AKAP9: variants seen among roughly 807,000 people sequenced by gnomAD.
AKAP9 encodes A-kinase anchoring protein 9.
In AKAP9, 311 loss-of-function variants were observed where a neutral mutation model predicts 488.5. The ratio of observed to expected loss-of-function variants is 0.64; its 90% CI spans 0.58 to 0.70. The LOEUF (loss-of-function observed/expected upper bound fraction) is 0.70. Ranked by LOEUF, AKAP9 falls within the 30% of genes least tolerant of loss-of-function variation. The pLI is 0.00. For synonymous variants in AKAP9, 1,462 were observed against 1,483.5 expected (o/e 0.99, Z 0.33); for missense variants, 4,215 against 4,374.5 (o/e 0.96, Z 1.03).
rs934592231 is a variant in AKAP9, at chr7:91,959,497, G to A, written c.49-14214G>A. 1.1e-4 allele frequency among the ~76,000 whole-genome samples: 17 copies of A among 152,054 alleles called. 1 individual carries two copies. Among genetic ancestry groups the A allele is most frequent in the African/African-American group, 3.6e-4 (15 of 41,486 alleles). On this transcript the variant is annotated intron_variant, in intron 1 of 49. Coordinates refer to ENST00000356239, the MANE Select transcript of AKAP9 (RefSeq NM_005751.5). Reference sequence around the variant, plus strand: ...AAAAAATTTACTTTTTTAAGAGATGGATCTTGTTATGCTGTTCTGGCTGGC... The same window carrying A: ...AAAAAATTTACTTTTTTAAGAGATGAATCTTGTTATGCTGTTCTGGCTGGC...
rs534389409 is a variant in AKAP9 at position 92,076,145 on chromosome 7, T to C, written c.6613-710T>C. Among the ~76,000 whole-genome samples the C allele has an allele frequency of 9.2e-5, 14 of 152,330 alleles. No homozygotes were observed. In the East Asian group the frequency reaches 2.3e-3, roughly 25 times the overall value. Reference sequence around the variant, plus strand: ...CTCAGTCAAAACCAATTTTCAAATATAAAAATAATTCTTAATATTCATCAT... The same window carrying C: ...CTCAGTCAAAACCAATTTTCAAATACAAAAATAATTCTTAATATTCATCAT... On this transcript the variant is annotated intron_variant, in intron 28 of 49. Transcript: ENST00000356239.
At chr7:92,075,090 T>TA (rs113217081) in intron 28 of AKAP9, among the ~76,000 whole-genome samples, 15,124 of 150,818 alleles carry the variant, frequency 0.1, 968 homozygotes, top group Middle Eastern at 0.23. Flanking sequence ...AGTCAAAAAT[T>TA]AAAAAAAAAA....
At chr7:91,974,319 G>A (rs76146797) in intron 2 of AKAP9, among the ~76,000 whole-genome samples, 18,363 of 135,346 alleles carry the variant, frequency 0.14, 1,261 homozygotes, top group East Asian at 0.38. Context: ...ATGAGAGATA[G>A]ATGTCCAACT....
At position 92,079,838 on chromosome 7, in the gene AKAP9, A is replaced by G. The variant is rs1317191455; in HGVS notation, c.7705A>G (p.Lys2569Glu). The G allele has an allele frequency of 6.2e-7, 1 of 1,614,128 alleles. No individual in the cohort carries two copies. Among genetic ancestry groups the G allele is most frequent in the East Asian group, 2.2e-5 (1 of 44,858 alleles). ...IQLEAVQEYA[K>E]FCQDNQTISS... ...ACTTGAGGCAGTTCAGGAATATGCA[A>G]AATTCTGTCAAGATAATCAAACAAT... is the stretch of plus-strand genomic sequence containing the variant. The change falls in exon 31 of 50, where the codon AAA (lysine) becomes GAA (glutamate). Residue 2569 changes from lysine (K) to glutamate (E), a missense_variant. Lys to Glu is a moderately conservative substitution (Grantham distance 56). Around this residue, in one of 5 missense-constraint regions of AKAP9, gnomAD observed 1,476 missense variants for 1,477.4 expected, o/e 1.00. Coordinates refer to ENST00000356239, the MANE Select transcript of AKAP9 (RefSeq NM_005751.5).
rs776229494 is a variant in AKAP9 at position 92,070,958 on chromosome 7, A to G, written c.6561A>G (p.Leu2187=). The change falls in exon 28 of 50, where the codon CTA becomes CTG. Residue 2187 remains leucine (L), a synonymous_variant. Coordinates refer to ENST00000356239, the MANE Select transcript of AKAP9 (RefSeq NM_005751.5). ...GAVEAKPELS[L]EVQLQAERDA... is the part of the protein sequence containing the mutation. ...TAGAAGCTAAACCAGAATTGTCCCT[A>G]GAAGTACAATTGCAGGCTGAACGAG... 2 of 1,614,120 alleles carry G rather than the reference A, an allele frequency of 1.2e-6. No individual in the cohort carries two copies. The highest frequency in any genetic ancestry group is 1.7e-6 in the Non-Finnish European group (2 of 1,179,978).
chr7:91,982,098 T>C (rs2130596119), intron 3 of AKAP9, among the ~76,000 whole-genome samples: 1 of 152,280 alleles, frequency 6.6e-6, no homozygotes, highest in East Asian at 1.9e-4. Context: ...TGTATAGCTG[T>C]TTTCTCACAT....
chr7:91,995,450 G>T (rs1798278786), intron 6 of AKAP9, among the ~76,000 whole-genome samples, 153 bp from the exon 7 acceptor site: 1 of 152,128 alleles, frequency 6.6e-6, no homozygotes, highest in Non-Finnish European at 1.5e-5. Context: ...CTCGGCTTGG[G>T]TATACCTATC....
intron 2 of AKAP9, among the ~76,000 whole-genome samples, chr7:91,975,085 C>A (rs1795490469): frequency 6.6e-6 from 1 of 152,126 alleles, no homozygotes; most frequent in Admixed American, 6.6e-5. Context: ...CTCCTGAGCT[C>A]AGGAGATCCA....
At chr7:92,078,540 C>A (rs1254797164) in intron 30 of AKAP9, among the ~76,000 whole-genome samples, 1 of 151,328 alleles carries the variant, frequency 6.6e-6, no homozygotes, top group African/African-American at 2.4e-5. Context: ...CCACTGCACT[C>A]CAGCTTGGGT....
In AKAP9 at chr7:92,070,909, A is replaced by G; in HGVS notation, c.6512A>G (p.Glu2171Gly). ...AAAATTTTTATATATTTAAAGGTAGAGGACCGAAAACACTTTGGAGCTGTA... is the reference window on the plus strand; with the variant it reads ...AAAATTTTTATATATTTAAAGGTAGGGGACCGAAAACACTTTGGAGCTGTA... ...LVSADTFQKVEDRKHFGAVEA... is the reference protein window; with the variant it reads ...LVSADTFQKVGDRKHFGAVEA... Residue 2171 changes from glutamate (E) to glycine (G), a missense_variant, in exon 28 of 50, where the codon GAG (glutamate) becomes GGG (glycine). By Grantham distance (98) the Glu-to-Gly change is moderately conservative (BLOSUM62 -2). Around this residue, in one of 5 missense-constraint regions of AKAP9, gnomAD observed 2,361 missense variants for 2,430.0 expected, o/e 0.97. Coordinates refer to ENST00000356239, the MANE Select transcript of AKAP9 (RefSeq NM_005751.5). The G allele has an allele frequency of 6.8e-6, 11 of 1,609,630 alleles. No homozygotes were observed. The highest frequency in any genetic ancestry group is 8.5e-6 in the Non-Finnish European group (10 of 1,176,428).
intron 8 of AKAP9, among the ~76,000 whole-genome samples, chr7:92,005,488 C>T (rs1799708969): frequency 6.6e-6 from 1 of 152,110 alleles, no homozygotes; most frequent in Non-Finnish European, 1.5e-5. Flanking sequence ...CTTGGAGAAT[C>T]TTGCAGACTT....
At chr7:92,064,057 C>T (rs1230492653) in intron 24 of AKAP9, among the ~76,000 whole-genome samples, 1 of 152,182 alleles carries the variant, frequency 6.6e-6, no homozygotes, top group Non-Finnish European at 1.5e-5. Context: ...GCTGGGATTA[C>T]AGGCATAAGC....
Position 91,994,766 on chromosome 7 carries a change from A to G in AKAP9, c.722A>G (p.Gln241Arg). The G allele has an allele frequency of 6.2e-7, 1 of 1,610,980 alleles. No homozygotes were observed. The highest frequency in any genetic ancestry group is 8.5e-7 in the Non-Finnish European group (1 of 1,178,696). Residue 241 changes from glutamine to arginine, a missense_variant, in exon 6 of 50, where the codon CAA (glutamine) becomes CGA (arginine). This residue lies in a region of AKAP9 where 2,361 missense variants were observed against 2,430.0 expected (regional missense o/e 0.97). Transcript: ENST00000356239. ...LTEQSQKLQIQFQQLQASETL... is the reference protein window; with the variant it reads ...LTEQSQKLQIRFQQLQASETL... The stretch of plus-strand genomic sequence containing the variant: ...GAACAGAGTCAAAAATTACAGATTC[A>G]ATTTCAGCAAGTAAGTATTACTAAT...
At chr7:91,970,728 A>G (rs1794975371) in intron 1 of AKAP9, among the ~76,000 whole-genome samples, 1 of 152,076 alleles carries the variant, frequency 6.6e-6, no homozygotes, top group Admixed American at 6.5e-5. Flanking sequence ...GACGAATTGT[A>G]GCTCTTTTAT....
intron 16 of AKAP9, among the ~76,000 whole-genome samples, chr7:92,032,496 C>CA (rs56966156): frequency 0.059 from 4,713 of 80,384 alleles, 276 homozygotes; most frequent in African/African-American, 0.16. Flanking sequence ...AACTCCGTCT[C>CA]AAAAAAAAAA....
chr7:92,065,197 G>A, intron 24 of AKAP9, 34 bp from the exon 25 acceptor site: 1 of 1,358,924 alleles, frequency 7.4e-7, no homozygotes, highest in Non-Finnish European at 1.0e-6. Context: ...CATTAATTGT[G>A]ATTTAATTCA....
chr7:92,002,611 A>G lies in AKAP9; in HGVS notation c.2694A>G (p.Glu898=), dbSNP rs755978798. Residue 898 remains glutamate (E), a synonymous_variant, in exon 8 of 50, where the codon GAA becomes GAG. Coordinates refer to ENST00000356239, the MANE Select transcript of AKAP9 (RefSeq NM_005751.5). ...AAAGTAAACTTAAAGCACTTAATGA[A>G]GAGCTTCATTTGCAAAGAATAAATC... is the stretch of plus-strand genomic sequence containing the variant. ...EYKSKLKALN[E]ELHLQRINPT... is the part of the protein sequence containing the mutation. 6.2e-7 allele frequency: 1 copy of G among 1,611,952 alleles called. No homozygotes were observed. Among genetic ancestry groups the G allele is most frequent in the Non-Finnish European group, 8.5e-7 (1 of 1,179,010 alleles).
At chr7:92,032,127 C>A (rs1276742195) in intron 16 of AKAP9, among the ~76,000 whole-genome samples, 2 of 152,138 alleles carry the variant, frequency 1.3e-5, no homozygotes, top group African/African-American at 2.4e-5. Flanking sequence ...TAGCCATATA[C>A]CCTAGTGTAA....
chr7:92,081,042 T>A (rs1191897093), intron 31 of AKAP9, among the ~76,000 whole-genome samples: 1 of 152,202 alleles, frequency 6.6e-6, no homozygotes, highest in Non-Finnish European at 1.5e-5. Flanking sequence ...TCTTTAAATA[T>A]GATATTTATT....
Sources: allele counts gnomAD v4.1 joint callset (sites outside exome capture counted in the v4.1 genomes callset), GRCh38; gene constraint gnomAD v4.1.1; regional missense constraint gnomAD v4.1.1; transcripts MANE v1.5; gene names NCBI Gene and HGNC (gene_info 2026-07-23, HGNC 2026-07-21).